GLCCI1: variants seen among roughly 807,000 people sequenced by gnomAD.
The protein encoded by GLCCI1 is glucocorticoid induced 1, also known as glucocorticoid-induced transcript 1 protein.
Under a neutral mutation model 52.2 loss-of-function variants are expected in GLCCI1, and 24 were observed. The ratio of observed to expected loss-of-function variants is 0.46; its 90% CI spans 0.33 to 0.65. The LOEUF is 0.65. Ranked by LOEUF, GLCCI1 falls within the 30% of genes least tolerant of loss-of-function variation. The pLI is 0.02. For missense variants in GLCCI1, 704 were observed against 701.5 expected (o/e 1.00, Z -0.04); for synonymous variants, 310 against 276.5 (o/e 1.12, Z -1.20).
intron 3 of GLCCI1, among the ~76,000 whole-genome samples, chr7:8,023,792 T>A (rs903507145): frequency 6.6e-6 from 1 of 151,376 alleles, no homozygotes; most frequent in Non-Finnish European, 1.5e-5. Context: ...AGAGATGGGG[T>A]TTTGCCATAT....
rs573867335 is a variant in GLCCI1, at chr7:8,009,935, G to GT, written c.609+5887dup. Among the ~76,000 whole-genome samples the GT allele has an allele frequency of 8.7e-4, 127 of 146,048 alleles. No individual in the cohort carries two copies. The South Asian group carries it at 0.01, about 12-fold the overall frequency. On this transcript the variant is annotated intron_variant, in intron 2 of 7. Coordinates refer to ENST00000223145, the MANE Select transcript of GLCCI1 (RefSeq NM_138426.4). The stretch of plus-strand genomic sequence containing the variant: ...AAAAAAAACCTGAGCACTGGAAGTG[G>GT]TTTTTTTTTTTCTTAGAGTTTTGCC...
chr7:7,979,161 A>G (rs916404144), intron 1 of GLCCI1, among the ~76,000 whole-genome samples: 1 of 152,168 alleles, frequency 6.6e-6, no homozygotes, highest in African/African-American at 2.4e-5. Context: ...CTGTGCTCAG[A>G]GATTAGATTT....
chr7:7,999,069 C>T (rs1308877787), intron 1 of GLCCI1, among the ~76,000 whole-genome samples: 1 of 151,416 alleles, frequency 6.6e-6, no homozygotes, highest in African/African-American at 2.4e-5. Context: ...ATATATTTAC[C>T]AATAGGGACA....
intron 6 of GLCCI1, among the ~76,000 whole-genome samples, chr7:8,071,723 A>G (rs114050133): frequency 0.023 from 3,501 of 152,192 alleles, 144 homozygotes; most frequent in African/African-American, 0.079. Context: ...GTGTACACCA[A>G]CACTTCCTGG....
chr7:7,984,750 A>G (rs776061141), intron 1 of GLCCI1, among the ~76,000 whole-genome samples: 7 of 152,234 alleles, frequency 4.6e-5, no homozygotes, highest in Non-Finnish European at 7.3e-5. Flanking sequence ...TAGCAAAATT[A>G]ATATCCTAAG....
At chr7:8,034,966 G>A (rs534026876) in intron 3 of GLCCI1, among the ~76,000 whole-genome samples, 7 of 152,246 alleles carry the variant, frequency 4.6e-5, no homozygotes, top group East Asian at 3.9e-4. Flanking sequence ...CTGTGGACCC[G>A]AGCTGTGATG....
At chr7:8,070,343 T>G (rs1462835028) in intron 5 of GLCCI1, 1 of 152,240 alleles carries the variant, frequency 6.6e-6, no homozygotes, top group East Asian at 1.9e-4. Context: ...ATATTAGAAT[T>G]CTTTTGAGTT....
chr7:8,034,182 A>T (rs2127952585), intron 3 of GLCCI1, among the ~76,000 whole-genome samples: 1 of 152,310 alleles, frequency 6.6e-6, no homozygotes, highest in African/African-American at 2.4e-5. Context: ...AATTGGTGCT[A>T]TAATAATTGA....
In GLCCI1 at chr7:8,069,144, A is replaced by T. The variant is rs564357808; in HGVS notation, c.967-1777A>T. On this transcript the variant is annotated intron_variant, in intron 5 of 7. Coordinates refer to ENST00000223145, the MANE Select transcript of GLCCI1 (RefSeq NM_138426.4). ...GAGCTAAGGCTTTATGTTCTCTCCC[A>T]GCTTGGAGGCAGCAGGGGAAGGGAC... 4.6e-5 allele frequency among the ~76,000 whole-genome samples: 7 copies of T among 152,190 alleles called. No individual in the cohort carries two copies. The South Asian group carries it at 1.5e-3, about 32-fold the overall frequency.
intron 4 of GLCCI1, among the ~76,000 whole-genome samples, chr7:8,059,730 G>A (rs1050040725): frequency 9.9e-5 from 15 of 152,186 alleles, no homozygotes; most frequent in African/African-American, 3.6e-4. Flanking sequence ...GAGCTATACA[G>A]TAGACTTACA....
At chr7:8,005,248 A>G (rs756591258) in intron 2 of GLCCI1, among the ~76,000 whole-genome samples, 15 of 152,114 alleles carry the variant, frequency 9.9e-5, no homozygotes, top group Non-Finnish European at 1.5e-4. Flanking sequence ...TATAGAAAAT[A>G]AAATTTAAAA....
At chr7:8,019,289 G>T (rs7796831) in intron 2 of GLCCI1, among the ~76,000 whole-genome samples, 1 of 151,964 alleles carries the variant, frequency 6.6e-6, no homozygotes, top group Non-Finnish European at 1.5e-5. Flanking sequence ...GACTAAGGAA[G>T]TTTAGTTTTA....
rs529965692 is a variant in GLCCI1, at chr7:8,016,187, C to T, written c.610-6296C>T. On this transcript the variant is annotated intron_variant, in intron 2 of 7. Transcript: ENST00000223145. ...GACATTATGCCTTAACAGTTAAGAT[C>T]GCCCGGGCGCGGTGGCTTACGCCTG... Among the ~76,000 whole-genome samples the T allele has an allele frequency of 3.1e-4, 47 of 152,200 alleles. No individual in the cohort carries two copies. The South Asian group carries it at 7.7e-3, about 25-fold the overall frequency.
At chr7:8,035,303 A>G (rs561672922) in intron 3 of GLCCI1, among the ~76,000 whole-genome samples, 1 of 152,328 alleles carries the variant, frequency 6.6e-6, no homozygotes, top group East Asian at 1.9e-4. Flanking sequence ...TGGCTCTTCA[A>G]GGGAGGAACA....
intron 6 of GLCCI1, 123 bp downstream of exon 6, chr7:8,071,254 A>G (rs747252780): frequency 3.1e-5 from 24 of 762,124 alleles, no homozygotes; most frequent in Non-Finnish European, 4.0e-5. Context: ...AGATTGGTTA[A>G]TCTAGGTTTC....
At chr7:8,044,368 T>C (rs927910977) in intron 3 of GLCCI1, among the ~76,000 whole-genome samples, 11 of 101,706 alleles carry the variant, frequency 1.1e-4, no homozygotes, top group African/African-American at 4.6e-4. Flanking sequence ...CTTTTTGTAC[T>C]TTTTTTTTTT....
chr7:7,994,111 A>G (rs1780895960), intron 1 of GLCCI1, among the ~76,000 whole-genome samples: 1 of 152,182 alleles, frequency 6.6e-6, no homozygotes, highest in Admixed American at 6.5e-5. Context: ...AAAATTAGCC[A>G]GACATGTTGG....
chr7:8,023,236 C>G (rs1049820339), intron 3 of GLCCI1, among the ~76,000 whole-genome samples: 2 of 152,152 alleles, frequency 1.3e-5, no homozygotes, highest in African/African-American at 4.8e-5. Flanking sequence ...AGGATGGTCT[C>G]AATCTCCTGA....
At chr7:8,082,591 C>T (rs1214178321) in intron 6 of GLCCI1, among the ~76,000 whole-genome samples, 2 of 152,150 alleles carry the variant, frequency 1.3e-5, no homozygotes, top group African/African-American at 4.8e-5. Flanking sequence ...ACATTAAATA[C>T]ATATTCAATT....
Sources: gnomAD v4.1 joint callset for allele counts (sites outside exome capture counted in the v4.1 genomes callset) on GRCh38, gnomAD v4.1.1 for gene constraint, MANE v1.5 for transcripts, NCBI Gene and HGNC (gene_info 2026-07-23, HGNC 2026-07-21) for gene names.